The following MYO16 variants were observed in gnomAD, a reference collection of about 807,000 sequenced individuals.
The protein encoded by MYO16 is myosin XVI, also known as unconventional myosin-XVI.
Under a neutral mutation model 205.3 loss-of-function variants are expected in MYO16, and 94 were observed. That is an observed-to-expected ratio of 0.46 (90% confidence interval 0.39 to 0.54). The LOEUF is 0.54. MYO16 is among the 20% of genes least tolerant of loss of function. The pLI, the probability that MYO16 is intolerant of heterozygous loss-of-function variation, is 0.00. For missense variants in MYO16, 2,315 were observed against 2,387.5 expected (o/e 0.97, Z 0.63); for synonymous variants, 988 against 954.0 (o/e 1.04, Z -0.66).
intron 1 of MYO16, among the ~76,000 whole-genome samples, chr13:108,619,072 T>A (rs1879449695): frequency 1.3e-5 from 2 of 152,194 alleles, no homozygotes; most frequent in Admixed American, 1.3e-4. Context: ...GAGTCATAAA[T>A]TTGACACTCT....
At chr13:108,646,414 G>A (rs1277302261) in intron 1 of MYO16, among the ~76,000 whole-genome samples, 1 of 152,116 alleles carries the variant, frequency 6.6e-6, no homozygotes, top group East Asian at 1.9e-4. Context: ...TTGTATTAAA[G>A]GGTAGTAATC....
At chr13:108,528,937 T>C in the MYO16 span, among the ~76,000 whole-genome samples, 1 of 151,776 alleles carries the variant, frequency 6.6e-6, no homozygotes. Flanking sequence ...TTTCCCCAGG[T>C]TGGAAGTGAC....
intron 2 of MYO16, among the ~76,000 whole-genome samples, chr13:108,700,190 G>A (rs1401020537): frequency 5.9e-5 from 9 of 151,888 alleles, no homozygotes; most frequent in Non-Finnish European, 1.0e-4. Context: ...AAAATTAGCC[G>A]GGTGTGGTGG....
rs990339012 is a variant in MYO16 at position 108,635,512 on chromosome 13, T to A, written c.28+5640T>A. 5.3e-3 allele frequency among the ~76,000 whole-genome samples: 811 copies of A among 151,810 alleles called. 6 individuals carry two copies. The highest frequency in any genetic ancestry group is 0.019 in the African/African-American group (773 of 41,336). ...TGTAGATGGTTTACCTATTTATTTT[T>A]TTTTTTTTGAGGGAGTCTCACTCTG... On this transcript the variant is annotated intron_variant, in intron 1 of 34. Coordinates refer to ENST00000457511, the MANE Select transcript of MYO16 (RefSeq NM_001198950.3).
intron 27 of MYO16, among the ~76,000 whole-genome samples, chr13:109,080,602 G>A (rs1165997215): frequency 6.6e-6 from 1 of 151,324 alleles, no homozygotes; most frequent in Non-Finnish European, 1.5e-5. Flanking sequence ...AAATGCTTTG[G>A]CTCAGGACAA....
At chr13:108,618,801 G>C (rs1879438801) in intron 1 of MYO16, among the ~76,000 whole-genome samples, 1 of 151,976 alleles carries the variant, frequency 6.6e-6, no homozygotes, top group African/African-American at 2.4e-5. Context: ...GCTATGTTAG[G>C]AACTCTGTCA....
intron 16 of MYO16, among the ~76,000 whole-genome samples, chr13:108,924,466 G>A (rs1881890448): frequency 6.6e-6 from 1 of 152,150 alleles, no homozygotes; most frequent in Non-Finnish European, 1.5e-5. Flanking sequence ...CTCACCCCGT[G>A]TTGTCAGAAT....
intron 3 of MYO16, among the ~76,000 whole-genome samples, chr13:108,718,986 A>C (rs1285408765): frequency 6.6e-6 from 1 of 152,106 alleles, no homozygotes; most frequent in Non-Finnish European, 1.5e-5. Context: ...CCAATGGATG[A>C]GTTTTCCATT....
the MYO16 span, among the ~76,000 whole-genome samples, chr13:108,552,255 C>A: frequency 6.6e-6 from 1 of 152,136 alleles, no homozygotes; most frequent in Non-Finnish European, 1.5e-5. Context: ...TATGTGGGAC[C>A]AAAATGGAGA....
chr13:109,064,595 A>G (rs1307835235), intron 27 of MYO16, among the ~76,000 whole-genome samples: 3 of 152,228 alleles, frequency 2.0e-5, no homozygotes, highest in Non-Finnish European at 4.4e-5. Flanking sequence ...AACCAGCTCC[A>G]ATCTTTGTTG....
intron 1 of MYO16, among the ~76,000 whole-genome samples, chr13:108,653,542 T>G (rs551926132): frequency 6.6e-6 from 1 of 152,218 alleles, no homozygotes; most frequent in African/African-American, 2.4e-5. Context: ...TTCAATCCAT[T>G]TTGAATTAAT....
chr13:108,968,572 G>A (rs1408745515), intron 20 of MYO16, among the ~76,000 whole-genome samples: 1 of 152,110 alleles, frequency 6.6e-6, no homozygotes, highest in African/African-American at 2.4e-5. Context: ...GTTGCAGTAA[G>A]CCGAGATCGT....
chr13:108,849,739 T>TG (rs1877741143), intron 10 of MYO16, among the ~76,000 whole-genome samples: 1 of 150,992 alleles, frequency 6.6e-6, no homozygotes, highest in Non-Finnish European at 1.5e-5. Flanking sequence ...TCTTTTTTTT[T>TG]TTTTAACTCA....
intron 8 of MYO16, among the ~76,000 whole-genome samples, chr13:108,821,060 A>T (rs1272959868): frequency 6.6e-6 from 1 of 151,480 alleles, no homozygotes; most frequent in African/African-American, 2.4e-5. Flanking sequence ...TTGCAATAGT[A>T]AAAAGAGTTC....
intron 4 of MYO16, among the ~76,000 whole-genome samples, chr13:108,769,365 A>C (rs1181614702): frequency 6.6e-6 from 1 of 152,078 alleles, no homozygotes; most frequent in Non-Finnish European, 1.5e-5. Context: ...GTGTGGCCAG[A>C]ATGGAGCACG....
the MYO16 span, among the ~76,000 whole-genome samples, chr13:108,499,815 T>C: frequency 5.9e-5 from 9 of 152,332 alleles, no homozygotes; most frequent in African/African-American, 2.2e-4. Flanking sequence ...GTTAAGTGAC[T>C]TGTTCTTTGT....
intron 14 of MYO16, among the ~76,000 whole-genome samples, chr13:108,897,120 A>T (rs1244414437): frequency 6.6e-6 from 1 of 152,218 alleles, no homozygotes; most frequent in East Asian, 1.9e-4. Context: ...TAGTCCGTGT[A>T]TCAATAAGGT....
intron 32 of MYO16, among the ~76,000 whole-genome samples, chr13:109,157,150 C>A (rs1878093138): frequency 6.7e-6 from 1 of 149,438 alleles, no homozygotes; most frequent in Non-Finnish European, 1.5e-5. Context: ...CCTCCTTCTG[C>A]TTCCCCAGCC....
chr13:108,783,644 G>C (rs1320115381), intron 4 of MYO16, among the ~76,000 whole-genome samples: 1 of 152,178 alleles, frequency 6.6e-6, no homozygotes, highest in East Asian at 1.9e-4. Flanking sequence ...GTATCTCCCA[G>C]AATTCCCACG....
Sources: allele counts gnomAD v4.1 joint callset (sites outside exome capture counted in the v4.1 genomes callset), GRCh38; gene constraint gnomAD v4.1.1; transcripts MANE v1.5; gene names NCBI Gene and HGNC (gene_info 2026-07-23, HGNC 2026-07-21).